Variants in SSBP2 observed in about 807,000 individuals in gnomAD.
SSBP2 encodes single-stranded DNA-binding protein 2.
Under a neutral mutation model 61.8 loss-of-function variants are expected in SSBP2, and 17 were observed. The observed-to-expected ratio is 0.28, with a 90% CI of 0.19 to 0.41. The LOEUF is 0.41. Ranked by LOEUF, SSBP2 falls within the 10% of genes least tolerant of loss-of-function variation. SSBP2 has a pLI of 1.00. For synonymous variants in SSBP2, 139 were observed against 141.3 expected (o/e 0.98, Z 0.12); for missense variants, 310 against 458.7 (o/e 0.68, Z 2.96).
chr5:81,564,593 C>T (rs968212006), intron 4 of SSBP2, among the ~76,000 whole-genome samples: 1 of 152,194 alleles, frequency 6.6e-6, no homozygotes, highest in South Asian at 2.1e-4. Flanking sequence ...AGCAGCCTAC[C>T]TATCAGATTA....
chr5:81,730,582 G>C (rs907578884), intron 1 of SSBP2, among the ~76,000 whole-genome samples: 4 of 152,166 alleles, frequency 2.6e-5, no homozygotes, highest in African/African-American at 9.7e-5. Context: ...AGTTTTACTT[G>C]AGCTTCAGCG....
At chr5:81,520,305 GC>G (rs1769370336) in intron 4 of SSBP2, among the ~76,000 whole-genome samples, 1 of 151,982 alleles carries the variant, frequency 6.6e-6, no homozygotes, top group African/African-American at 2.4e-5. Context: ...TTTTTAAAAT[GC>G]AAAGAATATA....
chr5:81,703,268 T>C (rs971141507), intron 1 of SSBP2, among the ~76,000 whole-genome samples: 2 of 152,222 alleles, frequency 1.3e-5, no homozygotes, highest in Non-Finnish European at 2.9e-5. Flanking sequence ...TTTGAAGATA[T>C]TCAGCCATGA....
At chr5:81,622,698 C>T (rs1746723398) in intron 3 of SSBP2, among the ~76,000 whole-genome samples, 4 of 152,266 alleles carry the variant, frequency 2.6e-5, no homozygotes, top group Non-Finnish European at 1.5e-5. Flanking sequence ...AGGGCACACA[C>T]GATGAGGATA....
At chr5:81,555,886 C>T (rs1772555152) in intron 4 of SSBP2, among the ~76,000 whole-genome samples, 2 of 151,984 alleles carry the variant, frequency 1.3e-5, no homozygotes, top group South Asian at 2.1e-4. Flanking sequence ...GTTTTTACTG[C>T]TTTATTATTC....
Position 81,546,967 on chromosome 5 carries a change from T to C in SSBP2, c.283-33250A>G, listed in dbSNP as rs528202546. On this transcript the variant is annotated intron_variant, in intron 4 of 16. Coordinates refer to ENST00000320672, the MANE Select transcript of SSBP2 (RefSeq NM_012446.5). ...TAAGAATACACGAGAACAATGATTG[T>C]TAAAAGTTTTCACCAAGACTAATCA... 2.0e-5 allele frequency among the ~76,000 whole-genome samples: 3 copies of C among 146,610 alleles called. No homozygotes were observed. The South Asian group carries it at 6.4e-4, about 31-fold the overall frequency.
chr5:81,607,076 A>G (rs978571695), intron 4 of SSBP2, among the ~76,000 whole-genome samples: 5 of 152,204 alleles, frequency 3.3e-5, no homozygotes, highest in East Asian at 1.9e-4. Context: ...TCATTTTGTG[A>G]TATCTGAAGA....
chr5:81,585,973 T>A (rs1480328686), intron 4 of SSBP2, among the ~76,000 whole-genome samples: 1 of 152,198 alleles, frequency 6.6e-6, no homozygotes, highest in Non-Finnish European at 1.5e-5. Flanking sequence ...AGTGACAGAA[T>A]TTCCTTTCTT....
intron 3 of SSBP2, among the ~76,000 whole-genome samples, chr5:81,628,290 C>G (rs139330496): frequency 6.1e-4 from 93 of 152,272 alleles, no homozygotes; most frequent in African/African-American, 2.2e-3. Flanking sequence ...TGTGTGAGAA[C>G]TTACTATTTC....
chr5:81,733,547 T>C (rs914417645), intron 1 of SSBP2, among the ~76,000 whole-genome samples: 2 of 152,218 alleles, frequency 1.3e-5, no homozygotes, highest in Non-Finnish European at 2.9e-5. Flanking sequence ...GAATTTATTA[T>C]AATCTATCCA....
chr5:81,460,079 C>A (rs1002435475), intron 10 of SSBP2, among the ~76,000 whole-genome samples: 2 of 152,294 alleles, frequency 1.3e-5, no homozygotes, highest in South Asian at 2.1e-4. Context: ...AAAGTGATTC[C>A]TGCTTCAAAA....
At chr5:81,654,234 G>A (rs534789034) in intron 1 of SSBP2, among the ~76,000 whole-genome samples, 1 of 152,104 alleles carries the variant, frequency 6.6e-6, no homozygotes, top group East Asian at 1.9e-4. Context: ...CAAAGTGCTG[G>A]GATTACAGGC....
chr5:81,420,600 T>C (rs1034851112), intron 16 of SSBP2, 67 bp from the exon 17 acceptor site: 5 of 1,316,884 alleles, frequency 3.8e-6, no homozygotes, highest in Non-Finnish European at 5.5e-6. Flanking sequence ...TTCTTCTTGG[T>C]ACAACAGAAA....
intron 4 of SSBP2, among the ~76,000 whole-genome samples, chr5:81,570,375 T>A (rs1385361066): frequency 6.6e-6 from 1 of 152,202 alleles, no homozygotes; most frequent in African/African-American, 2.4e-5. Flanking sequence ...AAATTTAATC[T>A]TTGAGGTATC....
chr5:81,656,832 G>A (rs549380639), intron 1 of SSBP2, among the ~76,000 whole-genome samples: 1 of 151,836 alleles, frequency 6.6e-6, no homozygotes, highest in Non-Finnish European at 1.5e-5. Flanking sequence ...TGCCTATAAG[G>A]GTGAAATGTG....
intron 1 of SSBP2, among the ~76,000 whole-genome samples, chr5:81,699,012 T>C (rs576920107): frequency 1.1e-4 from 16 of 152,294 alleles, no homozygotes; most frequent in African/African-American, 3.9e-4. Context: ...ATAAAGTGAG[T>C]CACATGAATT....
upstream of SSBP2, chr5:81,751,154 C>A: frequency 8.8e-7 from 1 of 1,132,142 alleles, no homozygotes; most frequent in Non-Finnish European, 1.3e-6. Flanking sequence ...CTATTGGCCG[C>A]CCCACGCCAA....
Position 81,461,095 on chromosome 5 carries a change from C to T in SSBP2, c.647G>A (p.Gly216Asp). 1 of 1,588,910 alleles carries T rather than the reference C, an allele frequency of 6.3e-7. No homozygotes were observed. Among genetic ancestry groups the T allele is most frequent in the Non-Finnish European group, 8.6e-7 (1 of 1,167,720 alleles). ...TGGGTTTGGCCAAGGTCTACCACCA[C>T]CTGGACCCCTACAAAACAATTTGAT... The change falls in exon 10 of 17, where the codon GGT (glycine) becomes GAT (aspartate). Residue 216 changes from glycine to aspartate, a missense_variant. Physicochemically the swap from Gly to Asp is moderately conservative, Grantham distance 94. Transcript: ENST00000320672.
intron 4 of SSBP2, among the ~76,000 whole-genome samples, chr5:81,515,631 G>C (rs71636274): frequency 0.021 from 3,230 of 151,822 alleles, 60 homozygotes; most frequent in Non-Finnish European, 0.033. Flanking sequence ...AGGTAAGGAT[G>C]CTGGTAAAGA....
Sources: gnomAD v4.1 joint callset for allele counts (sites outside exome capture counted in the v4.1 genomes callset) on GRCh38, gnomAD v4.1.1 for gene constraint, MANE v1.5 for transcripts, NCBI Gene and HGNC (gene_info 2026-07-23, HGNC 2026-07-21) for gene names.